UBE2F: variants seen among roughly 807,000 people sequenced by gnomAD.
The protein encoded by UBE2F is ubiquitin conjugating enzyme E2 F (putative).
Under a neutral mutation model 29.6 loss-of-function variants are expected in UBE2F, and 5 were observed. The observed-to-expected ratio is 0.17, with a 90% CI of 0.09 to 0.36. The LOEUF (loss-of-function observed/expected upper bound fraction) is 0.36, where lower values mean the gene tolerates loss of function less well. UBE2F is among the 10% of genes least tolerant of loss of function. The pLI is 1.00. For missense variants in UBE2F, 141 were observed against 228.5 expected, an observed-to-expected ratio of 0.62 and a Z score of 2.47; for synonymous variants, 66 against 81.8, an observed-to-expected ratio of 0.81 and a Z score of 1.04.
At chr2:238,038,518 A>G (rs1236448722) in intron 9 of UBE2F, among the ~76,000 whole-genome samples, 1 of 152,238 alleles carries the variant, frequency 6.6e-6, no homozygotes, top group Non-Finnish European at 1.5e-5. Flanking sequence ...GGCGAGGACT[A>G]GCCCTTGTGG....
rs1033779662 is a variant in UBE2F at position 237,967,042 on chromosome 2, G to T, written c.-107G>T. On this transcript the variant is annotated 5_prime_UTR_variant, in exon 1 of 10. Transcript: ENST00000272930. This position sits in a 1 kb window ranked among gnomAD's most constrained non-coding sequence, Gnocchi z 6.3. ...TCCGGTCCCGCCGCCGGGAGCCGGT[G>T]CGGCTGTGAGGGGCCGCGTCTCGCA... 192 of 1,299,938 alleles carry T rather than the reference G, an allele frequency of 1.5e-4. No homozygotes were observed. Among genetic ancestry groups the T allele is most frequent in the Non-Finnish European group, 1.7e-4 (179 of 1,023,482 alleles). The allele number at this position is 1,299,938 out of a possible 1,614,324, so 80.5% of individuals were successfully genotyped here.
intron 9 of UBE2F, among the ~76,000 whole-genome samples, chr2:238,036,929 G>A (rs558394054): frequency 6.6e-6 from 1 of 152,120 alleles, no homozygotes; most frequent in Non-Finnish European, 1.5e-5. Context: ...CACACCTTTT[G>A]TTGAGCTCAT....
intron 7 of UBE2F, among the ~76,000 whole-genome samples, chr2:238,031,939 C>T (rs2064591351): frequency 1.3e-5 from 2 of 152,244 alleles, no homozygotes; most frequent in Admixed American, 6.5e-5. Context: ...CACTGGCCTG[C>T]GGGCCCTGTC....
chr2:237,979,423 TGGG>T (rs1235302195), intron 2 of UBE2F, among the ~76,000 whole-genome samples: 1 of 152,166 alleles, frequency 6.6e-6, no homozygotes, highest in Non-Finnish European at 1.5e-5. Flanking sequence ...ATTTCAGTGT[TGGG>T]GGAGAAAGAG....
intron 9 of UBE2F, among the ~76,000 whole-genome samples, chr2:238,038,526 T>C (rs2064770744): frequency 6.6e-6 from 1 of 152,222 alleles, no homozygotes; most frequent in Admixed American, 6.5e-5. Context: ...CTAGCCCTTG[T>C]GGACCAAGCC....
rs2106313816 is a variant in UBE2F, at chr2:237,967,072, C to T, written c.-77C>T. ...TGTGAGGGGCCGCGTCTCGCAGCAG[C>T]CGCCCGGACCGGGCATGGTGTTGGG... is the stretch of plus-strand genomic sequence containing the variant. On this transcript the variant is annotated 5_prime_UTR_variant, in exon 1 of 10. Coordinates refer to ENST00000272930, the MANE Select transcript of UBE2F (RefSeq NM_080678.3). This position sits in a 1 kb window ranked among gnomAD's most constrained non-coding sequence, Gnocchi z 6.3. 1.5e-6 allele frequency: 2 copies of T among 1,327,970 alleles called. No individual in the cohort carries two copies. Among genetic ancestry groups the T allele is most frequent in the South Asian group, 1.9e-5 (1 of 53,808 alleles). 82.3% of individuals were successfully genotyped at this position (1,327,970 alleles called of 1,614,324 possible). A position where few individuals can be genotyped will look rare whatever the true frequency, so the allele number is the denominator to read the frequency against.
chr2:238,025,982 C>T (rs577061825), intron 6 of UBE2F, among the ~76,000 whole-genome samples: 1 of 152,296 alleles, frequency 6.6e-6, no homozygotes, highest in African/African-American at 2.4e-5. Flanking sequence ...GATTTCTCCT[C>T]CTAAGGCTGC....
intron 4 of UBE2F, among the ~76,000 whole-genome samples, chr2:238,012,579 A>G (rs2064061855): frequency 6.6e-6 from 1 of 152,186 alleles, no homozygotes; most frequent in Non-Finnish European, 1.5e-5. Flanking sequence ...GGAGCTCCAG[A>G]TTCAGCCCAT....
intron 2 of UBE2F, chr2:237,973,869 C>T: frequency 3.4e-6 from 1 of 295,418 alleles, no homozygotes; most frequent in South Asian, 7.0e-5. Flanking sequence ...TTAGCAAACT[C>T]TTAAAATTTT....
intron 8 of UBE2F, among the ~76,000 whole-genome samples, chr2:238,033,032 G>T (rs987903710): frequency 6.6e-6 from 1 of 152,164 alleles, no homozygotes; most frequent in African/African-American, 2.4e-5. Context: ...TTACTCTGGG[G>T]TCACTTGGCC....
chr2:237,975,105 A>AT (rs35635589), intron 2 of UBE2F, among the ~76,000 whole-genome samples: 3,912 of 144,334 alleles, frequency 0.027, 180 homozygotes, highest in African/African-American at 0.089. Context: ...TTTCTTTAAA[A>AT]TTTTTTTTTT....
rs148501939 is a variant in UBE2F, at chr2:237,987,268, A to G, written c.119-695A>G. On this transcript the variant is annotated intron_variant, in intron 2 of 9. Coordinates refer to ENST00000272930, the MANE Select transcript of UBE2F (RefSeq NM_080678.3). ...AGTGGGTGTGTGTGTGGGGAAGGGC[A>G]GGGCAGTCTTTAGGGCTTTCTGCAT... Among the ~76,000 whole-genome samples the G allele has an allele frequency of 5.9e-5, 9 of 152,256 alleles. No homozygotes were observed. The East Asian group carries it at 1.7e-3, about 29-fold the overall frequency.
chr2:237,972,298 T>C (rs1183708345), intron 1 of UBE2F, among the ~76,000 whole-genome samples: 2 of 152,184 alleles, frequency 1.3e-5, no homozygotes, highest in Non-Finnish European at 2.9e-5. Flanking sequence ...CTGTGCTGCT[T>C]CAGTTGGTGA....
chr2:238,032,173 A>C, intron 7 of UBE2F, 49 bp from the exon 8 acceptor site: 4 of 1,447,706 alleles, frequency 2.8e-6, no homozygotes, highest in Non-Finnish European at 2.9e-6. Flanking sequence ...TTAAAAGACT[A>C]GGTGCACTTT....
At chr2:237,990,394 C>T (rs1438399655) in intron 3 of UBE2F, 18 of 455,914 alleles carry the variant, frequency 3.9e-5, no homozygotes. Flanking sequence ...CCTGTATATA[C>T]ATGTAAACCT....
intron 7 of UBE2F, 60 bp from the exon 8 acceptor site, chr2:238,032,161 GT>G (rs2064596564): frequency 7.3e-7 from 1 of 1,368,234 alleles, no homozygotes; most frequent in African/African-American, 1.4e-5. Flanking sequence ...TTGATCATGG[GT>G]TTAAAAGACT....
Position 238,031,940 on chromosome 2 carries a change from G to C in UBE2F, c.412-282G>C, listed in dbSNP as rs552826966. Among the ~76,000 whole-genome samples, 12 of 152,372 alleles carry C rather than the reference G, an allele frequency of 7.9e-5. No homozygotes were observed. In the South Asian group the frequency reaches 1.9e-3, roughly 24 times the overall value. On this transcript the variant is annotated intron_variant, in intron 7 of 9. Coordinates refer to ENST00000272930, the MANE Select transcript of UBE2F (RefSeq NM_080678.3). ...AGCCCCTATGCAGACACTGGCCTGC[G>C]GGCCCTGTCGTGCAGGATTGGGCTT... is the stretch of plus-strand genomic sequence containing the variant.
At chr2:237,988,615 TAAA>T (rs35898026) in intron 3 of UBE2F, among the ~76,000 whole-genome samples, 6 of 128,042 alleles carry the variant, frequency 4.7e-5, no homozygotes, top group Admixed American at 7.9e-5. Context: ...GACTCTGTCT[TAAA>T]AAAAAAAAAA....
intron 5 of UBE2F, among the ~76,000 whole-genome samples, chr2:238,017,632 G>A (rs1576627357): frequency 6.6e-6 from 1 of 152,126 alleles, no homozygotes; most frequent in Admixed American, 6.5e-5. Context: ...GATGTGTCTC[G>A]GCCCAAATTG....
Sources: allele counts gnomAD v4.1 joint callset (sites outside exome capture counted in the v4.1 genomes callset), GRCh38; gene constraint gnomAD v4.1.1; non-coding constraint Gnocchi (gnomAD v3.1); transcripts MANE v1.5; gene names NCBI Gene and HGNC (gene_info 2026-07-23, HGNC 2026-07-21).